Variants in ARHGEF33 observed in about 807,000 individuals in gnomAD.
The protein encoded by ARHGEF33 is Rho guanine nucleotide exchange factor 33, also known as DH and coiled-coil domain-containing protein ENSP00000381780.
Under a neutral mutation model 101.9 loss-of-function variants are expected in ARHGEF33, and 72 were observed. The ratio of observed to expected loss-of-function variants is 0.71; its 90% CI spans 0.58 to 0.86. ARHGEF33 has a LOEUF of 0.86. Among genes scored for constraint, ARHGEF33 ranks in the 40% least tolerant of loss-of-function variants. ARHGEF33 has a pLI of 0.00. For synonymous variants in ARHGEF33, 499 were observed against 442.5 expected, an observed-to-expected ratio of 1.13 and a Z score of -1.60; for missense variants, 1,169 against 1,111.3, an observed-to-expected ratio of 1.05 and a Z score of -0.74.
rs1285209527 is a variant in ARHGEF33, at chr2:38,960,243, C to T, written c.1938C>T (p.Ala646=). The part of the protein sequence containing the change: ...APALFENCSP[A]SSESSLDICF... ...CCCTCTTCGAGAACTGCTCGCCTGC[C>T]TCCTCCGAGTCCAGCCTGGACATCT... Residue 646 remains alanine (A), a synonymous_variant, in exon 16 of 18, where the codon GCC becomes GCT. Coordinates refer to ENST00000409978, the MANE Select transcript of ARHGEF33 (RefSeq NM_001145451.5). The T allele has an allele frequency of 1.3e-6, 2 of 1,548,236 alleles. No individual in the cohort carries two copies. The highest frequency in any genetic ancestry group is 1.7e-6 in the Non-Finnish European group (2 of 1,146,150).
At chr2:38,941,845 C>T (rs1018639421) in intron 9 of ARHGEF33, among the ~76,000 whole-genome samples, 1 of 151,864 alleles carries the variant, frequency 6.6e-6, no homozygotes, top group African/African-American at 2.4e-5. Context: ...GTGCCCAGCC[C>T]GTTACCTGAT....
chr2:38,929,157 G>C, intron 5 of ARHGEF33, 86 bp downstream of exon 5: 2 of 1,058,676 alleles, frequency 1.9e-6, no homozygotes, highest in Middle Eastern at 3.2e-4. Context: ...CTGGCTGGGC[G>C]TGGTGGCTCA....
chr2:38,952,448 A>G (rs1485522769), intron 11 of ARHGEF33, among the ~76,000 whole-genome samples: 4 of 152,216 alleles, frequency 2.6e-5, no homozygotes, highest in Non-Finnish European at 5.9e-5. Flanking sequence ...TGAACTACTG[A>G]TCTGGATGAC....
intron 7 of ARHGEF33, 122 bp from the exon 8 acceptor site, chr2:38,935,652 TA>T: frequency 1.5e-6 from 1 of 679,020 alleles, no homozygotes; most frequent in Admixed American, 3.0e-5. Context: ...TTCTTTTTTT[TA>T]CTGCTCTGCC....
rs1668218397 is a variant in ARHGEF33 at position 38,973,882 on chromosome 2, G to T, written c.*39G>T. ...TTGTATTGTCAAGTGGTAAGATGAGGATAAAAAGCTTGTATATATCTGTGT... is the reference window on the plus strand; with the variant it reads ...TTGTATTGTCAAGTGGTAAGATGAGTATAAAAAGCTTGTATATATCTGTGT... On this transcript the variant is annotated 3_prime_UTR_variant, in exon 18 of 18. Coordinates refer to ENST00000409978, the MANE Select transcript of ARHGEF33 (RefSeq NM_001145451.5). The T allele has an allele frequency of 4.7e-6, 7 of 1,494,270 alleles. No individual in the cohort carries two copies. The highest frequency in any genetic ancestry group is 6.3e-6 in the Non-Finnish European group (7 of 1,118,460). The allele number at this position is 1,494,270 out of a possible 1,614,324, so 92.6% of individuals were successfully genotyped here. A position where few individuals can be genotyped will look rare whatever the true frequency, so the allele number is the denominator to read the frequency against.
intron 4 of ARHGEF33, among the ~76,000 whole-genome samples, chr2:38,927,523 C>T (rs527480277): frequency 6.6e-6 from 1 of 152,296 alleles, no homozygotes; most frequent in Admixed American, 6.5e-5. Context: ...TGGTGAAACT[C>T]CGTCTCTACT....
chr2:38,960,704 C>T, intron 16 of ARHGEF33, 56 bp downstream of exon 16: 1 of 1,242,400 alleles, frequency 8.0e-7, no homozygotes, highest in Non-Finnish European at 1.0e-6. Context: ...CCTAGATCTG[C>T]AGGAAGCATC....
intron 7 of ARHGEF33, among the ~76,000 whole-genome samples, chr2:38,935,293 A>G (rs1452298022): frequency 1.4e-5 from 2 of 139,438 alleles, no homozygotes; most frequent in African/African-American, 5.5e-5. Flanking sequence ...CGATCCTCCT[A>G]TTTTAGCCTC....
intron 10 of ARHGEF33, among the ~76,000 whole-genome samples, chr2:38,946,816 AG>A (rs1434496004): frequency 3.3e-5 from 5 of 152,090 alleles, no homozygotes; most frequent in Non-Finnish European, 5.9e-5. Context: ...AGTAGAGATT[AG>A]GTTTCACCAT....
At chr2:38,907,400 G>GCTC (rs1457275323) in intron 2 of ARHGEF33, among the ~76,000 whole-genome samples, 2 of 152,168 alleles carry the variant, frequency 1.3e-5, no homozygotes, top group African/African-American at 2.4e-5. Context: ...ACCAAAGGCA[G>GCTC]CTCCAAATTG....
rs762621451 is a variant in ARHGEF33 at position 38,960,042 on chromosome 2, C to G, written c.1737C>G (p.Asp579Glu). ...AGPLQAIPEM[D>E]FESSPAEPLG... The stretch of plus-strand genomic sequence containing the variant: ...CCCTGCAGGCCATCCCGGAGATGGA[C>G]TTCGAGTCCTCTCCGGCGGAGCCGC... Residue 579 changes from aspartate to glutamate, a missense_variant, in exon 16 of 18, where the codon GAC becomes GAG. Physicochemically the swap from Asp to Glu is conservative, Grantham distance 45 (BLOSUM62 2). Transcript: ENST00000409978. The G allele has an allele frequency of 1.3e-6, 2 of 1,544,516 alleles. No homozygotes were observed. The highest frequency in any genetic ancestry group is 2.4e-5 in the South Asian group (2 of 83,812).
At chr2:38,906,569 T>G (rs1205728199) in intron 2 of ARHGEF33, among the ~76,000 whole-genome samples, 2 of 152,032 alleles carry the variant, frequency 1.3e-5, no homozygotes, top group African/African-American at 2.4e-5. Context: ...AAAGAAATAA[T>G]CAAACTAATG....
At position 38,931,214 on chromosome 2, in the gene ARHGEF33, CT is replaced by C; in HGVS notation, c.471del (p.Phe157LeufsTer21). On this transcript the variant is annotated frameshift_variant, in exon 7 of 18. Transcript: ENST00000409978. LOFTEE classifies it high-confidence loss of function. The stretch of plus-strand genomic sequence containing the variant: ...CTGAGCCTGTTCTTCCAAGCGAAGA[CT>C]TTACCAACCTTTTGCCTTCTCAGGC... ...IPEPVLPSED[F>X]TNLLPSQAYE... 6.4e-7 allele frequency: 1 copy of C among 1,551,224 alleles called. No homozygotes were observed. Among genetic ancestry groups the C allele is most frequent in the Non-Finnish European group, 8.7e-7 (1 of 1,146,800 alleles).
At chr2:38,903,989 T>A (rs752155548) in intron 2 of ARHGEF33, among the ~76,000 whole-genome samples, 14 of 152,224 alleles carry the variant, frequency 9.2e-5, no homozygotes, top group Non-Finnish European at 1.6e-4. Context: ...GAATATATCC[T>A]ATGTACCAGG....
At chr2:38,942,062 C>CT (rs1667323997) in intron 9 of ARHGEF33, among the ~76,000 whole-genome samples, 1 of 145,522 alleles carries the variant, frequency 6.9e-6, no homozygotes, top group Non-Finnish European at 1.5e-5. Flanking sequence ...CATTTTCTTT[C>CT]TTTTTTCTGA....
At chr2:38,935,181 C>T (rs1667101970) in intron 7 of ARHGEF33, among the ~76,000 whole-genome samples, 1 of 151,966 alleles carries the variant, frequency 6.6e-6, no homozygotes, top group East Asian at 1.9e-4. Context: ...GTGATAGGGT[C>T]TGGTTTATTC....
chr2:38,947,104 A>G (rs966375179), intron 10 of ARHGEF33, among the ~76,000 whole-genome samples: 2 of 152,248 alleles, frequency 1.3e-5, no homozygotes, highest in African/African-American at 2.4e-5. Context: ...TAACTTTCCC[A>G]TCACAAACCA....
intron 9 of ARHGEF33, among the ~76,000 whole-genome samples, chr2:38,939,424 G>A (rs1475598563): frequency 6.6e-6 from 1 of 152,150 alleles, no homozygotes; most frequent in Non-Finnish European, 1.5e-5. Flanking sequence ...TTCTAAAGCA[G>A]TTGGCTAATA....
intron 13 of ARHGEF33, among the ~76,000 whole-genome samples, chr2:38,956,104 C>T (rs559450056): frequency 4.9e-4 from 74 of 152,140 alleles, no homozygotes; most frequent in African/African-American, 1.7e-3. Context: ...AATGCAGGGC[C>T]AAATAAGTTA....
Sources: gnomAD v4.1 joint callset for allele counts (sites outside exome capture counted in the v4.1 genomes callset) on GRCh38, gnomAD v4.1.1 for gene constraint, MANE v1.5 for transcripts, NCBI Gene and HGNC (gene_info 2026-07-23, HGNC 2026-07-21) for gene names.